Variants in PLCB1 observed in about 807,000 individuals in gnomAD.
The protein encoded by PLCB1 is phospholipase C beta 1.
Under a neutral mutation model 161.8 loss-of-function variants are expected in PLCB1, and 46 were observed. The observed-to-expected ratio is 0.28, with a 90% confidence interval of 0.22 to 0.36. The LOEUF is 0.36. Among genes scored for constraint, PLCB1 ranks in the 10% least tolerant of loss-of-function variants. PLCB1 has a pLI of 1.00. For missense variants in PLCB1, 1,016 were observed against 1,472.5 expected, an observed-to-expected ratio of 0.69 and a Z score of 5.07; for synonymous variants, 517 against 503.7, an observed-to-expected ratio of 1.03 and a Z score of -0.35.
intron 3 of PLCB1, among the ~76,000 whole-genome samples, chr20:8,387,362 G>A (rs1356756466): frequency 6.6e-6 from 1 of 152,152 alleles, no homozygotes; most frequent in Non-Finnish European, 1.5e-5. Context: ...AGAGAAAAGG[G>A]TGGCCCCAGG....
intron 2 of PLCB1, among the ~76,000 whole-genome samples, chr20:8,336,979 A>G (rs1985605470): frequency 8.5e-5 from 13 of 152,146 alleles, no homozygotes. Flanking sequence ...TTAGAAAAAC[A>G]TGTATTTACA....
chr20:8,267,370 C>T (rs1311943320), intron 2 of PLCB1, among the ~76,000 whole-genome samples: 3 of 152,140 alleles, frequency 2.0e-5, no homozygotes, highest in Admixed American at 6.5e-5. Flanking sequence ...TGACACAGTG[C>T]AAACATCCCA....
At chr20:8,633,572 C>T (rs1043080060) in intron 4 of PLCB1, among the ~76,000 whole-genome samples, 1 of 152,040 alleles carries the variant, frequency 6.6e-6, no homozygotes. Flanking sequence ...GACAGTCCAA[C>T]ATAAAAAGAA....
At chr20:8,151,301 T>C (rs986169687) in intron 2 of PLCB1, among the ~76,000 whole-genome samples, 6 of 152,206 alleles carry the variant, frequency 3.9e-5, no homozygotes, top group African/African-American at 1.4e-4. Flanking sequence ...AAACTCTACA[T>C]TAGTTTCTTA....
chr20:8,684,185 C>G (rs1990297069), intron 9 of PLCB1, among the ~76,000 whole-genome samples: 1 of 151,288 alleles, frequency 6.6e-6, no homozygotes, highest in Non-Finnish European at 1.5e-5. Context: ...CGCCCAGCCC[C>G]AAAAACACTT....
intron 9 of PLCB1, among the ~76,000 whole-genome samples, chr20:8,662,483 TAA>T (rs1989702425): frequency 7.1e-6 from 1 of 140,122 alleles, no homozygotes; most frequent in South Asian, 2.1e-4. Context: ...AATATATATA[TAA>T]TTTTTTATTA....
chr20:8,387,977 T>TAAA (rs1555802977), intron 3 of PLCB1, among the ~76,000 whole-genome samples: 3,473 of 126,692 alleles, frequency 0.027, 154 homozygotes, highest in African/African-American at 0.093. Context: ...CCACTTTTTT[T>TAAA]AAAAAAAAAA....
intron 3 of PLCB1, among the ~76,000 whole-genome samples, chr20:8,417,052 C>CATATATATAT (rs1568667920): frequency 4.8e-5 from 3 of 63,144 alleles, no homozygotes; most frequent in African/African-American, 1.8e-4. Flanking sequence ...CACACACACA[C>CATATATATAT]ACATATATAT....
chr20:8,650,977 T>C (rs1989301525), intron 7 of PLCB1, among the ~76,000 whole-genome samples: 1 of 152,194 alleles, frequency 6.6e-6, no homozygotes, highest in African/African-American at 2.4e-5. Flanking sequence ...GTACATCATA[T>C]ACATTAACCA....
At chr20:8,419,958 T>C (rs1979472134) in intron 3 of PLCB1, among the ~76,000 whole-genome samples, 1 of 152,218 alleles carries the variant, frequency 6.6e-6, no homozygotes, top group Non-Finnish European at 1.5e-5. Flanking sequence ...AGCAGCAGTT[T>C]GTATCTGAAA....
intron 3 of PLCB1, among the ~76,000 whole-genome samples, chr20:8,478,740 CT>C: frequency 6.6e-6 from 1 of 151,884 alleles, no homozygotes; most frequent in East Asian, 1.9e-4. Context: ...GATTGTGGTG[CT>C]TTTTTGTAAT....
chr20:8,518,554 T>G (rs1156695172), intron 3 of PLCB1, among the ~76,000 whole-genome samples: 1 of 152,080 alleles, frequency 6.6e-6, no homozygotes, highest in Non-Finnish European at 1.5e-5. Context: ...AAAGATTTCA[T>G]TAGTTCATTA....
chr20:8,724,600 A>G, intron 15 of PLCB1, 56 bp from the exon 16 acceptor site: 1 of 964,038 alleles, frequency 1.0e-6, no homozygotes. Flanking sequence ...CTGGGAAAAT[A>G]ACTGATAATA....
At chr20:8,257,130 C>T (rs1034980943) in intron 2 of PLCB1, among the ~76,000 whole-genome samples, 4 of 152,060 alleles carry the variant, frequency 2.6e-5, no homozygotes, top group African/African-American at 9.7e-5. Flanking sequence ...GAACGATTCC[C>T]CAAAGCAACC....
intron 2 of PLCB1, among the ~76,000 whole-genome samples, chr20:8,233,880 T>C (rs1980191433): frequency 6.6e-6 from 1 of 152,206 alleles, no homozygotes; most frequent in African/African-American, 2.4e-5. Context: ...CAACGTGGTG[T>C]TTGTAAAATT....
At chr20:8,582,031 G>A (rs2123080780) in intron 3 of PLCB1, among the ~76,000 whole-genome samples, 1 of 152,232 alleles carries the variant, frequency 6.6e-6, no homozygotes, top group East Asian at 1.9e-4. Flanking sequence ...TTGACACTAT[G>A]GAAATTAGCA....
intron 12 of PLCB1, among the ~76,000 whole-genome samples, chr20:8,710,748 A>G (rs1256223727): frequency 2.6e-5 from 4 of 152,014 alleles, no homozygotes; most frequent in Admixed American, 2.6e-4. Context: ...TCCCGACCTC[A>G]GGTGATCCGC....
chr20:8,298,831 G>A (rs941059159), intron 2 of PLCB1, among the ~76,000 whole-genome samples: 2 of 152,092 alleles, frequency 1.3e-5, no homozygotes, highest in South Asian at 4.1e-4. Flanking sequence ...ATGCAGCAGA[G>A]CATCTAAAAC....
At chr20:8,764,680 C>T (rs1982221770) in intron 25 of PLCB1, among the ~76,000 whole-genome samples, 1 of 152,096 alleles carries the variant, frequency 6.6e-6, no homozygotes, top group Middle Eastern at 3.2e-3. Context: ...AAGAAGCTTG[C>T]CTTCTTGCCT....
Sources: gnomAD v4.1 joint callset for allele counts (sites outside exome capture counted in the v4.1 genomes callset) on GRCh38, gnomAD v4.1.1 for gene constraint, MANE v1.5 for transcripts, NCBI Gene and HGNC (gene_info 2026-07-23, HGNC 2026-07-21) for gene names.